The following CCDC60 variants were observed in gnomAD, a reference collection of about 807,000 sequenced individuals.
CCDC60 encodes the protein coiled-coil domain containing 60.
In CCDC60, 54 loss-of-function variants were observed where a neutral mutation model predicts 63.5. The observed-to-expected ratio is 0.85, with a 90% CI of 0.68 to 1.07. The LOEUF is 1.07. CCDC60 is among the 50% of genes least tolerant of loss of function. The probability of loss-of-function intolerance (pLI) is 0.00; values close to 1 mark genes in which losing one functional copy is unlikely to be tolerated. For missense variants in CCDC60, 651 were observed against 684.3 expected, an observed-to-expected ratio of 0.95 and a Z score of 0.54; for synonymous variants, 206 against 238.8, an observed-to-expected ratio of 0.86 and a Z score of 1.27.
chr12:119,487,594 G>A lies in CCDC60; in HGVS notation c.450-1165G>A, dbSNP rs560143576. ...TTACAAGAGTGAGCCACCGTGCCTG[G>A]CCTCGTTGTGAGCTTTAAATGAGAT... is the stretch of plus-strand genomic sequence containing the variant. On this transcript the variant is annotated intron_variant, in intron 4 of 13. Coordinates refer to ENST00000327554, the MANE Select transcript of CCDC60 (RefSeq NM_178499.5). Among the ~76,000 whole-genome samples the A allele has an allele frequency of 2.6e-5, 4 of 152,060 alleles. No individual in the cohort carries two copies. In the East Asian group the frequency reaches 5.8e-4, roughly 22 times the overall value.
chr12:119,370,548 G>A (rs1329373671), intron 1 of CCDC60, among the ~76,000 whole-genome samples: 1 of 152,188 alleles, frequency 6.6e-6, no homozygotes, highest in Non-Finnish European at 1.5e-5. Flanking sequence ...GTACTTGAGG[G>A]CCTGAAGTCT....
chr12:119,386,189 G>C (rs1390251313), intron 1 of CCDC60, among the ~76,000 whole-genome samples: 1 of 152,192 alleles, frequency 6.6e-6, no homozygotes, highest in Non-Finnish European at 1.5e-5. Context: ...CAGCTCGGCT[G>C]TTGGAAATCA....
rs187084343 is a variant in CCDC60 at position 119,500,657 on chromosome 12, G to A, written c.648+489G>A. On this transcript the variant is annotated intron_variant, in intron 6 of 13. Transcript: ENST00000327554. ...TCGCTTGAGCCCAGGAGTTTGAGAC[G>A]AGCCTGGGCAACATAGCAAGACCCC... Among the ~76,000 whole-genome samples, 525 of 151,746 alleles carry A rather than the reference G, an allele frequency of 3.5e-3. 4 individuals are homozygous for A. Among genetic ancestry groups the A allele is most frequent in the African/African-American group, 0.012 (498 of 41,350 alleles).
chr12:119,510,366 C>A (rs1341068370), intron 7 of CCDC60, among the ~76,000 whole-genome samples: 2 of 152,106 alleles, frequency 1.3e-5, no homozygotes, highest in African/African-American at 4.8e-5. Flanking sequence ...ACTTGAAATG[C>A]CTGTTCATGC....
At chr12:119,434,304 ACTT>A (rs951866282) in intron 2 of CCDC60, among the ~76,000 whole-genome samples, 1 of 151,510 alleles carries the variant, frequency 6.6e-6, no homozygotes, top group Non-Finnish European at 1.5e-5. Context: ...GGGGTTAGGC[ACTT>A]CTTCTTGGTA....
chr12:119,370,049 C>G (rs1955882183), intron 1 of CCDC60, among the ~76,000 whole-genome samples: 2 of 152,086 alleles, frequency 1.3e-5, no homozygotes, highest in Admixed American at 1.3e-4. Context: ...AAGAAGAGAC[C>G]AGGCCAGACC....
At chr12:119,453,566 C>A (rs2136287192) in intron 2 of CCDC60, among the ~76,000 whole-genome samples, 1 of 152,282 alleles carries the variant, frequency 6.6e-6, no homozygotes, top group Admixed American at 6.5e-5. Flanking sequence ...AGGCAATTTA[C>A]TAAATCCCCA....
At chr12:119,505,784 A>G (rs190775443) in intron 7 of CCDC60, among the ~76,000 whole-genome samples, 7 of 152,316 alleles carry the variant, frequency 4.6e-5, no homozygotes, top group Non-Finnish European at 2.9e-5. Flanking sequence ...TTAACCTGGG[A>G]GGCGAGGTTG....
intron 2 of CCDC60, among the ~76,000 whole-genome samples, chr12:119,446,034 T>G (rs1396686147): frequency 2.0e-5 from 3 of 152,132 alleles, no homozygotes; most frequent in Admixed American, 6.5e-5. Context: ...AACTTACTCA[T>G]GTAACCAAAC....
intron 2 of CCDC60, among the ~76,000 whole-genome samples, chr12:119,457,500 A>G (rs1950769809): frequency 6.6e-6 from 1 of 152,248 alleles, no homozygotes; most frequent in African/African-American, 2.4e-5. Flanking sequence ...ATGTGATTTA[A>G]TAAGAATGTG....
chr12:119,467,173 C>T (rs745936101), intron 2 of CCDC60, among the ~76,000 whole-genome samples: 17 of 152,188 alleles, frequency 1.1e-4, no homozygotes, highest in African/African-American at 1.7e-4. Context: ...GCAGTAACAC[C>T]GCCTCTTCAA....
rs1491577822 is a variant in CCDC60, at chr12:119,456,026, A to AG, written c.171-15967dup. Among the ~76,000 whole-genome samples the AG allele has an allele frequency of 2.2e-5, 3 of 134,558 alleles. No homozygotes were observed. The highest frequency in any genetic ancestry group is 8.6e-5 in the African/African-American group (3 of 34,864). The allele number at this position is 134,558 out of a possible 152,430, so 88.3% of individuals were successfully genotyped here. A position where few individuals can be genotyped will look rare whatever the true frequency, so the allele number is the denominator to read the frequency against. On this transcript the variant is annotated intron_variant, in intron 2 of 13. Transcript: ENST00000327554. This position sits in a 1 kb window ranked among gnomAD's most constrained non-coding sequence, Gnocchi z 4.6. ...GAGAAAGAAAGAAAGAAAGAAAGAA[A>AG]GAAAGAAAGAAAGAAAGAAAGAAAG...
intron 1 of CCDC60, among the ~76,000 whole-genome samples, chr12:119,426,239 T>C (rs1017681486): frequency 6.6e-6 from 1 of 152,220 alleles, no homozygotes; most frequent in African/African-American, 2.4e-5. Context: ...AGTTTTTAAA[T>C]TATTTCATTG....
intron 1 of CCDC60, among the ~76,000 whole-genome samples, chr12:119,379,100 G>A (rs958649272): frequency 1.3e-5 from 2 of 152,176 alleles, no homozygotes; most frequent in African/African-American, 4.8e-5. Flanking sequence ...CATTGAAGAG[G>A]AGAAGAAAAA....
chr12:119,479,662 T>C (rs1432115463), intron 4 of CCDC60: 3 of 153,502 alleles, frequency 2.0e-5, no homozygotes, highest in African/African-American at 7.2e-5. Context: ...TCTTGCTTTC[T>C]AAAGTCTTGA....
At position 119,498,253 on chromosome 12, in the gene CCDC60, C is replaced by A. The variant is rs116627950; in HGVS notation, c.558-1825C>A. Among the ~76,000 whole-genome samples, 668 of 152,336 alleles carry A rather than the reference C, an allele frequency of 4.4e-3. 2 individuals carry two copies. The highest frequency in any genetic ancestry group is 0.015 in the African/African-American group (630 of 41,586). On this transcript the variant is annotated intron_variant, in intron 5 of 13. Transcript: ENST00000327554. Reference sequence around the variant, plus strand: ...CTGAGCACCTCCCTTCTACCCACAACCACCAGCACTCAGCAGCCCCTAACA... The same window carrying A: ...CTGAGCACCTCCCTTCTACCCACAAACACCAGCACTCAGCAGCCCCTAACA...
At chr12:119,365,787 C>G (rs1407399360) in intron 1 of CCDC60, among the ~76,000 whole-genome samples, 1 of 152,190 alleles carries the variant, frequency 6.6e-6, no homozygotes, top group Non-Finnish European at 1.5e-5. Context: ...GTGGTATTAA[C>G]AGAGGAATGT....
intron 3 of CCDC60, 80 bp downstream of exon 3, chr12:119,472,244 G>A (rs1229873350): frequency 1.6e-5 from 22 of 1,370,472 alleles, no homozygotes; most frequent in Middle Eastern, 1.8e-4. Context: ...AAGGTCAAGC[G>A]AGGGCAGCTA....
chr12:119,534,807 A>C (rs1952953944), intron 13 of CCDC60, among the ~76,000 whole-genome samples: 1 of 151,890 alleles, frequency 6.6e-6, no homozygotes, highest in Admixed American at 6.6e-5. Flanking sequence ...TTGCTGCTGG[A>C]CTCGGTTTGC....
Sources: allele counts gnomAD v4.1 joint callset (sites outside exome capture counted in the v4.1 genomes callset), GRCh38; gene constraint gnomAD v4.1.1; non-coding constraint Gnocchi (gnomAD v3.1); transcripts MANE v1.5; gene names NCBI Gene and HGNC (gene_info 2026-07-23, HGNC 2026-07-21).